Variants in GPC3 observed in about 807,000 individuals in gnomAD.
The protein encoded by GPC3 is glypican 3.
A neutral mutation model predicts 34.4 loss-of-function variants in GPC3; 3 were observed. The observed-to-expected ratio is 0.09, with a 90% CI of 0.04 to 0.23. The LOEUF (loss-of-function observed/expected upper bound fraction) is 0.23. GPC3 is among the 10% of genes least tolerant of loss of function. The pLI, the probability that GPC3 is intolerant of heterozygous loss-of-function variation, is 1.00. For synonymous variants in GPC3, 177 were observed against 174.0 expected, an observed-to-expected ratio of 1.02 and a Z score of -0.13; for missense variants, 351 against 445.6, an observed-to-expected ratio of 0.79 and a Z score of 1.91.
At chrX:133,795,521 C>A (rs2075573949) in intron 2 of GPC3, among the ~76,000 whole-genome samples, 1 of 111,151 alleles carries the variant, frequency 9.0e-6, no homozygotes, top group Non-Finnish European at 1.9e-5. Context: ...TGGCTTAGGT[C>A]CGATAAGATA....
At position 133,795,980 on chromosome X, in the gene GPC3, T is replaced by G. The variant is rs7892431; in HGVS notation, c.338-41804A>C. 8.3e-3 allele frequency among the ~76,000 whole-genome samples: 853 copies of G among 102,161 alleles called. 14 individuals are homozygous for G. The highest frequency in any genetic ancestry group is 0.029 in the African/African-American group (806 of 27,696). The allele number at this position is 102,161 out of a possible 115,157, so 88.7% of individuals were successfully genotyped here. ...TTTTTTTTTGAGATGGAGTCTCGCTTTGTCCCCCAGGCTGGAGTGCAGTGG... is the reference window on the plus strand; with the variant it reads ...TTTTTTTTTGAGATGGAGTCTCGCTGTGTCCCCCAGGCTGGAGTGCAGTGG... On this transcript the variant is annotated intron_variant, in intron 2 of 7. Coordinates refer to ENST00000370818, the MANE Select transcript of GPC3 (RefSeq NM_004484.4).
At chrX:133,551,324 G>A (rs993645698) in intron 7 of GPC3, among the ~76,000 whole-genome samples, 2 of 111,605 alleles carry the variant, frequency 1.8e-5, no homozygotes, top group African/African-American at 3.3e-5. Flanking sequence ...CACACATGCC[G>A]GCACCCCTTT....
intron 2 of GPC3, among the ~76,000 whole-genome samples, chrX:133,888,274 T>C (rs1378269040): frequency 8.9e-6 from 1 of 111,819 alleles, no homozygotes; most frequent in Non-Finnish European, 1.9e-5. Context: ...TATGGCTGCA[T>C]AGTATTCCAT....
Position 133,608,227 on chromosome X carries a change from C to T in GPC3, c.1414-11628G>A, listed in dbSNP as rs764172024. Among the ~76,000 whole-genome samples, 7 of 113,071 alleles carry T rather than the reference C, an allele frequency of 6.2e-5. No homozygotes were observed. In the East Asian group the frequency reaches 2.0e-3, roughly 32 times the overall value. On this transcript the variant is annotated intron_variant, in intron 6 of 7. Transcript: ENST00000370818. ...CCAAGTTCAAATTCTCCCTGAAGGTCTCTGAGCCTTGCTACCCGCTTTGTG... is the reference window on the plus strand; with the variant it reads ...CCAAGTTCAAATTCTCCCTGAAGGTTTCTGAGCCTTGCTACCCGCTTTGTG...
rs775242703 is a variant in GPC3 at position 133,584,614 on chromosome X, G to A, written c.1573+11826C>T. Among the ~76,000 whole-genome samples, 3 of 111,716 alleles carry A rather than the reference G, an allele frequency of 2.7e-5. No homozygotes were observed. In the East Asian group the frequency reaches 8.4e-4, roughly 31 times the overall value. ...ATGCCTCACCCTCCCGAGTAGCTGGGATGACAGGTGCGCACCACCATGCCC... is the reference window on the plus strand; with the variant it reads ...ATGCCTCACCCTCCCGAGTAGCTGGAATGACAGGTGCGCACCACCATGCCC... On this transcript the variant is annotated intron_variant, in intron 7 of 7. Transcript: ENST00000370818.
At chrX:133,883,916 C>T (rs2076052234) in intron 2 of GPC3, among the ~76,000 whole-genome samples, 1 of 111,665 alleles carries the variant, frequency 9.0e-6, no homozygotes, top group Non-Finnish European at 1.9e-5. Flanking sequence ...TTTTCTGGCT[C>T]GTTGTCAAAG....
At chrX:133,952,640 C>T (rs1035575151) in intron 2 of GPC3, among the ~76,000 whole-genome samples, 6 of 112,477 alleles carry the variant, frequency 5.3e-5, no homozygotes, top group African/African-American at 1.9e-4. Flanking sequence ...GTGTCTGCCT[C>T]TTAAATGGAA....
chrX:133,959,300 C>T (rs2076432099), intron 1 of GPC3, among the ~76,000 whole-genome samples: 1 of 112,302 alleles, frequency 8.9e-6, no homozygotes, highest in African/African-American at 3.2e-5. Context: ...GGGACTTCAG[C>T]TTCTCTTTGC....
intron 2 of GPC3, among the ~76,000 whole-genome samples, chrX:133,820,731 T>C: frequency 8.9e-6 from 1 of 112,009 alleles, no homozygotes; most frequent in Non-Finnish European, 1.9e-5. Context: ...TCACGTACTT[T>C]CTTTCACAGA....
At chrX:133,641,300 A>G (rs2070478600) in intron 6 of GPC3, among the ~76,000 whole-genome samples, 1 of 109,585 alleles carries the variant, frequency 9.1e-6, no homozygotes, top group Non-Finnish European at 1.9e-5. Flanking sequence ...ACATGGCGAA[A>G]CCCCGTGTCT....
intron 3 of GPC3, among the ~76,000 whole-genome samples, chrX:133,721,650 A>G (rs1023130837): frequency 9.0e-6 from 1 of 111,255 alleles, no homozygotes; most frequent in Middle Eastern, 4.2e-3. Context: ...TGATACCAAA[A>G]TTAGACAAAG....
intron 2 of GPC3, among the ~76,000 whole-genome samples, chrX:133,917,263 AAAGAATAT>A (rs2076229126): frequency 8.9e-6 from 1 of 111,978 alleles, no homozygotes; most frequent in African/African-American, 3.2e-5. Flanking sequence ...GGAGTCTGAG[AAAGAATAT>A]ACAAATAGGA....
intron 2 of GPC3, among the ~76,000 whole-genome samples, chrX:133,870,718 C>T (rs960941817): frequency 9.0e-6 from 1 of 111,357 alleles, no homozygotes; most frequent in Non-Finnish European, 1.9e-5. Flanking sequence ...CCACTCTACC[C>T]CCAAATATAT....
intron 2 of GPC3, among the ~76,000 whole-genome samples, chrX:133,785,410 T>G (rs1461480817): frequency 9.0e-6 from 1 of 111,496 alleles, no homozygotes; most frequent in Non-Finnish European, 1.9e-5. Flanking sequence ...CAGCCTCAGT[T>G]TCTCGCCTGT....
chrX:133,647,859 A>C lies in GPC3; in HGVS notation c.1413+13871T>G, dbSNP rs762970590. Among the ~76,000 whole-genome samples the C allele has an allele frequency of 4.4e-5, 5 of 112,830 alleles. No individual in the cohort carries two copies. The East Asian group carries it at 1.4e-3, about 31-fold the overall frequency. Reference sequence around the variant, plus strand: ...TTTAATTGGAATTCTGACTAAAAAAAAGTGTGTAACAAATTGATTAAAAGT... The same window carrying C: ...TTTAATTGGAATTCTGACTAAAAAACAGTGTGTAACAAATTGATTAAAAGT... On this transcript the variant is annotated intron_variant, in intron 6 of 7. Transcript: ENST00000370818.
intron 6 of GPC3, among the ~76,000 whole-genome samples, chrX:133,642,799 AAAGAAAGG>A (rs1191950393): frequency 9.2e-6 from 1 of 108,331 alleles, no homozygotes; most frequent in Non-Finnish European, 1.9e-5. Flanking sequence ...AAAAAGAAAG[AAAGAAAGG>A]AAAAGAAAAA....
chrX:133,816,161 C>G (rs1309642439), intron 2 of GPC3, among the ~76,000 whole-genome samples: 1 of 110,981 alleles, frequency 9.0e-6, no homozygotes, highest in Non-Finnish European at 1.9e-5. Flanking sequence ...AGCAGTCCTC[C>G]CACCTCAGCC....
chrX:133,881,382 G>T (rs73568905), intron 2 of GPC3, among the ~76,000 whole-genome samples: 3 of 112,012 alleles, frequency 2.7e-5, no homozygotes, highest in East Asian at 5.6e-4. Flanking sequence ...GAAGGGGTGT[G>T]GGGGGAGGCA....
chrX:133,613,311 T>G (rs1408868601), intron 6 of GPC3, among the ~76,000 whole-genome samples: 1 of 111,974 alleles, frequency 8.9e-6, no homozygotes, highest in Non-Finnish European at 1.9e-5. Context: ...TACAACAATT[T>G]TAAACCTATT....
Sources: gnomAD v4.1 joint callset for allele counts (sites outside exome capture counted in the v4.1 genomes callset) on GRCh38, gnomAD v4.1.1 for gene constraint, MANE v1.5 for transcripts, NCBI Gene and HGNC (gene_info 2026-07-23, HGNC 2026-07-21) for gene names.